The following MID1 variants were observed in gnomAD, a reference collection of about 807,000 sequenced individuals.
The protein encoded by MID1 is midline 1, also known as E3 ubiquitin-protein ligase Midline-1.
In MID1, 7 loss-of-function variants were observed where a neutral mutation model predicts 40.4. The observed-to-expected ratio is 0.17, with a 90% CI of 0.10 to 0.33. The LOEUF is 0.33. Among genes scored for constraint, MID1 ranks in the 10% least tolerant of loss-of-function variants. The pLI is 1.00. For missense variants in MID1, 367 were observed against 558.5 expected (o/e 0.66, Z 3.46); for synonymous variants, 229 against 221.2 (o/e 1.04, Z -0.31).
At chrX:10,498,688 G>A (rs996808173) in intron 3 of MID1, among the ~76,000 whole-genome samples, 15 of 112,002 alleles carry the variant, frequency 1.3e-4, no homozygotes, top group African/African-American at 4.5e-4. Context: ...TGTTCTGGAC[G>A]TTTCATATAA....
chrX:10,785,720 G>T (rs2043877791), intron 1 of MID1, among the ~76,000 whole-genome samples: 1 of 111,612 alleles, frequency 9.0e-6, no homozygotes, highest in African/African-American at 3.3e-5. Context: ...ATGGGGAAAG[G>T]ATTCCCTATT....
intron 1 of MID1, among the ~76,000 whole-genome samples, chrX:10,577,923 G>A (rs1049646818): frequency 1.8e-5 from 2 of 111,049 alleles, no homozygotes; most frequent in Non-Finnish European, 3.8e-5. Context: ...AAATCATCAG[G>A]AAAGTGTTTA....
At chrX:10,741,661 C>A (rs1174611359) in intron 1 of MID1, among the ~76,000 whole-genome samples, 5 of 109,276 alleles carry the variant, frequency 4.6e-5, no homozygotes. Context: ...TAAAATTAAA[C>A]CAAGTAGAAG....
intron 1 of MID1, among the ~76,000 whole-genome samples, chrX:10,689,778 TCTC>T (rs1177742977): frequency 9.1e-6 from 1 of 110,295 alleles, no homozygotes; most frequent in Non-Finnish European, 1.9e-5. Context: ...CCAATTTCCT[TCTC>T]CTTACACATT....
chrX:10,650,442 G>T (rs1385485938), intron 1 of MID1, among the ~76,000 whole-genome samples: 1 of 110,422 alleles, frequency 9.1e-6, no homozygotes. Flanking sequence ...CCTAAAGTCC[G>T]GACCTAACAA....
intron 2 of MID1, among the ~76,000 whole-genome samples, chrX:10,531,067 C>T (rs1435406028): frequency 9.0e-6 from 1 of 111,551 alleles, no homozygotes; most frequent in East Asian, 2.8e-4. Context: ...TGTTTCATTC[C>T]ATAATATTCA....
intron 1 of MID1, among the ~76,000 whole-genome samples, chrX:10,743,561 C>T (rs1359948919): frequency 3.6e-5 from 4 of 111,814 alleles, no homozygotes; most frequent in African/African-American, 1.3e-4. Context: ...CAATTGGCTG[C>T]TTATAAGAAT....
At chrX:10,802,971 C>T (rs1460927290) in intron 1 of MID1, among the ~76,000 whole-genome samples, 1 of 111,305 alleles carries the variant, frequency 9.0e-6, no homozygotes, top group Non-Finnish European at 1.9e-5. Context: ...GGGAGCTAAA[C>T]ATTGGGTTCA....
chrX:10,646,946 C>G (rs1340976254), intron 1 of MID1, among the ~76,000 whole-genome samples: 1 of 111,662 alleles, frequency 9.0e-6, no homozygotes, highest in Non-Finnish European at 1.9e-5. Flanking sequence ...GAAAAGAAGG[C>G]TGTCTTTTTT....
intron 1 of MID1, among the ~76,000 whole-genome samples, chrX:10,800,942 G>C (rs1324885342): frequency 8.9e-6 from 1 of 112,122 alleles, no homozygotes; most frequent in Non-Finnish European, 1.9e-5. Flanking sequence ...AAAACTAGAA[G>C]ATGACTGAGT....
intron 4 of MID1, among the ~76,000 whole-genome samples, chrX:10,494,695 GC>G (rs1931139595): frequency 1.9e-5 from 2 of 105,509 alleles, no homozygotes; most frequent in Middle Eastern, 5.0e-3. Context: ...GATTGTCTGA[GC>G]CCGGGAGGCG....
intron 1 of MID1, among the ~76,000 whole-genome samples, chrX:10,657,993 G>T (rs2042886912): frequency 9.0e-6 from 1 of 111,504 alleles, no homozygotes; most frequent in South Asian, 3.8e-4. Flanking sequence ...CTTGTACATA[G>T]AAATTAAATA....
chrX:10,726,505 A>AC (rs1260143419), intron 1 of MID1, among the ~76,000 whole-genome samples: 1 of 101,375 alleles, frequency 9.9e-6, no homozygotes, highest in African/African-American at 4.4e-5. Context: ...TCTTTCTCTG[A>AC]GGAAAAAAAA....
At chrX:10,613,754 GAGAGAGAGAGAGAGAC>G (rs1286551131) in intron 1 of MID1, among the ~76,000 whole-genome samples, 5 of 88,072 alleles carry the variant, frequency 5.7e-5, no homozygotes, top group African/African-American at 1.9e-4. Flanking sequence ...GAGAGAGAGA[GAGAGAGAGAGAGAGAC>G]AGACAGACAG....
chrX:10,560,434 T>A (rs150768277), intron 2 of MID1, among the ~76,000 whole-genome samples: 1,531 of 111,192 alleles, frequency 0.014, 6 homozygotes, highest in Non-Finnish European at 0.025. Context: ...TCAAATAGTT[T>A]CTATTTGCAT....
chrX:10,571,186 T>A (rs923056867), intron 1 of MID1, among the ~76,000 whole-genome samples: 7 of 112,418 alleles, frequency 6.2e-5, no homozygotes, highest in African/African-American at 1.9e-4. Flanking sequence ...GTACTGTAAA[T>A]GGTTAATTGT....
intron 1 of MID1, among the ~76,000 whole-genome samples, chrX:10,803,697 G>A (rs188123726): frequency 9.0e-6 from 1 of 111,623 alleles, no homozygotes; most frequent in Admixed American, 9.5e-5. Flanking sequence ...TTAGTTTTCT[G>A]TAGTTTGAAT....
chrX:10,582,706 T>C (rs1285200023), intron 1 of MID1: 1 of 111,966 alleles, frequency 8.9e-6, no homozygotes, highest in Non-Finnish European at 1.9e-5. Context: ...CACCCATAGA[T>C]TTTGCTCAAA....
intron 2 of MID1, among the ~76,000 whole-genome samples, chrX:10,564,818 T>C (rs983738139): frequency 1.8e-5 from 2 of 111,151 alleles, no homozygotes; most frequent in Non-Finnish European, 3.8e-5. Flanking sequence ...ATATTGAACA[T>C]CATTATGATT....
Sources: allele counts gnomAD v4.1 joint callset (sites outside exome capture counted in the v4.1 genomes callset), GRCh38; gene constraint gnomAD v4.1.1; transcripts MANE v1.5; gene names NCBI Gene and HGNC (gene_info 2026-07-23, HGNC 2026-07-21).